Variants in ZNF277 observed in about 807,000 individuals in gnomAD.
ZNF277 encodes zinc finger protein 277.
Under a neutral mutation model 60.7 loss-of-function variants are expected in ZNF277, and 55 were observed. The ratio of observed to expected loss-of-function variants is 0.91; its 90% CI spans 0.73 to 1.13. The LOEUF (loss-of-function observed/expected upper bound fraction) is 1.13, where lower values mean the gene tolerates loss of function less well. Among genes scored for constraint, ZNF277 ranks in the 50% most tolerant of loss-of-function variants. The probability of loss-of-function intolerance (pLI) is 0.00; values close to 1 mark genes in which losing one functional copy is unlikely to be tolerated. For synonymous variants in ZNF277, 178 were observed against 179.3 expected, an observed-to-expected ratio of 0.99 and a Z score of 0.06; for missense variants, 510 against 523.0, an observed-to-expected ratio of 0.98 and a Z score of 0.24.
chr7:112,280,175 A>G (rs1233496804), intron 1 of ZNF277, among the ~76,000 whole-genome samples: 1 of 152,152 alleles, frequency 6.6e-6, no homozygotes, highest in Non-Finnish European at 1.5e-5. Context: ...AATTATGCTC[A>G]TGGCAACAGG....
chr7:112,312,461 G>T (rs1792752760), intron 4 of ZNF277, among the ~76,000 whole-genome samples: 1 of 152,036 alleles, frequency 6.6e-6, no homozygotes, highest in African/African-American at 2.4e-5. Context: ...TGATGATAAT[G>T]GTTTTGTGGT....
At chr7:112,275,577 TGTC>T (rs1271844806) in intron 1 of ZNF277, among the ~76,000 whole-genome samples, 13 of 152,204 alleles carry the variant, frequency 8.5e-5, no homozygotes. Flanking sequence ...CCAGAAATCT[TGTC>T]TGATTTAAAT....
At chr7:112,256,110 T>C (rs1791301312) in intron 1 of ZNF277, among the ~76,000 whole-genome samples, 1 of 152,216 alleles carries the variant, frequency 6.6e-6, no homozygotes, top group South Asian at 2.1e-4. Context: ...AGGTTTTCAA[T>C]AAATAATTTT....
At chr7:112,315,632 T>C (rs193060098) in intron 4 of ZNF277, among the ~76,000 whole-genome samples, 36 of 152,250 alleles carry the variant, frequency 2.4e-4, no homozygotes, top group African/African-American at 7.9e-4. Flanking sequence ...GTCTTGAATT[T>C]CGAATACAGA....
intron 1 of ZNF277, among the ~76,000 whole-genome samples, chr7:112,210,173 A>C (rs1044055637): frequency 2.0e-5 from 3 of 152,194 alleles, no homozygotes; most frequent in Admixed American, 2.0e-4. Context: ...AAAAACATAC[A>C]CCTTTTTGAC....
intron 1 of ZNF277, among the ~76,000 whole-genome samples, chr7:112,264,869 G>T (rs1791513813): frequency 1.3e-5 from 2 of 152,118 alleles, no homozygotes; most frequent in Admixed American, 1.3e-4. Context: ...GGTAAAAAAT[G>T]CTTACGCTCA....
At chr7:112,241,553 G>A (rs1291018675) in intron 1 of ZNF277, among the ~76,000 whole-genome samples, 1 of 152,152 alleles carries the variant, frequency 6.6e-6, no homozygotes, top group Admixed American at 6.5e-5. Context: ...GCACTTCCAT[G>A]TTTGTTGCAG....
intron 5 of ZNF277, among the ~76,000 whole-genome samples, chr7:112,324,739 AATATTAT>A (rs1483607318): frequency 1.3e-5 from 2 of 152,342 alleles, no homozygotes; most frequent in Admixed American, 6.5e-5. Context: ...AAACAGGACC[AATATTAT>A]ATATAGATAT....
intron 1 of ZNF277, among the ~76,000 whole-genome samples, chr7:112,235,582 C>T (rs1047064941): frequency 6.6e-6 from 1 of 151,898 alleles, no homozygotes; most frequent in Non-Finnish European, 1.5e-5. Context: ...TATTTAAATC[C>T]TGTACCCATT....
intron 1 of ZNF277, among the ~76,000 whole-genome samples, chr7:112,229,395 T>C (rs1213158360): frequency 6.6e-6 from 1 of 152,202 alleles, no homozygotes; most frequent in Non-Finnish European, 1.5e-5. Flanking sequence ...TCAGAAACTC[T>C]TCTTAAAGCT....
In ZNF277 at chr7:112,342,620, G is replaced by C. The variant is rs1440452253; in HGVS notation, c.1244G>C (p.Ser415Thr). Residue 415 changes from serine to threonine, a missense_variant, in exon 12 of 12, where the codon AGT becomes ACT. Transcript: ENST00000361822. ...CTGTGTACACTATCTGACAGTGAAA[G>C]TGACCTGACAGCTCAGGAACAAAAT... ...TLLCTLSDSE[S>T]DLTAQEQNEN... The C allele has an allele frequency of 1.9e-6, 3 of 1,613,144 alleles. No homozygotes were observed. In the Admixed American group the frequency reaches 5.0e-5, roughly 27 times the overall value.
intron 1 of ZNF277, among the ~76,000 whole-genome samples, chr7:112,215,948 A>G (rs984797047): frequency 1.3e-5 from 2 of 152,234 alleles, no homozygotes; most frequent in Non-Finnish European, 2.9e-5. Context: ...TGTACCCGCT[A>G]ATCGTAATTA....
intron 1 of ZNF277, among the ~76,000 whole-genome samples, chr7:112,258,428 A>G (rs1429046538): frequency 1.3e-5 from 2 of 151,944 alleles, no homozygotes; most frequent in Non-Finnish European, 2.9e-5. Flanking sequence ...TACTTGTACT[A>G]TGCAAAGCCA....
At chr7:112,231,944 G>T (rs532474615) in intron 1 of ZNF277, among the ~76,000 whole-genome samples, 1 of 151,146 alleles carries the variant, frequency 6.6e-6, no homozygotes, top group South Asian at 2.1e-4. Flanking sequence ...TACTTCATGA[G>T]GAAAGAAGTA....
At chr7:112,342,477 A>C (rs1793462471) in intron 11 of ZNF277, 84 bp from the exon 12 acceptor site, 1 of 1,229,850 alleles carries the variant, frequency 8.1e-7, no homozygotes, top group Non-Finnish European at 1.1e-6. Flanking sequence ...TACCTGACAA[A>C]ATTATAGTAA....
intron 7 of ZNF277, chr7:112,330,460 C>CAAA: frequency 1.2e-5 from 4 of 342,578 alleles, no homozygotes; most frequent in Non-Finnish European, 1.5e-5. Flanking sequence ...TCATCTTGAC[C>CAAA]AAAAAAAAAA....
At chr7:112,311,249 G>C (rs1792726062) in intron 4 of ZNF277, among the ~76,000 whole-genome samples, 1 of 152,038 alleles carries the variant, frequency 6.6e-6, no homozygotes, top group Non-Finnish European at 1.5e-5. Context: ...AAAGATGAAA[G>C]ACTAGGCATT....
chr7:112,240,675 A>G (rs1790926226), intron 1 of ZNF277, among the ~76,000 whole-genome samples: 1 of 152,334 alleles, frequency 6.6e-6, no homozygotes, highest in East Asian at 1.9e-4. Flanking sequence ...AGAATGGAAC[A>G]GAATAGAGAA....
chr7:112,322,025 G>T (rs888723103), intron 5 of ZNF277, among the ~76,000 whole-genome samples: 3 of 151,504 alleles, frequency 2.0e-5, no homozygotes, highest in African/African-American at 7.3e-5. Flanking sequence ...CGGGACAGAA[G>T]AAAAAAAGAA....
Sources: allele counts gnomAD v4.1 joint callset (sites outside exome capture counted in the v4.1 genomes callset), GRCh38; gene constraint gnomAD v4.1.1; transcripts MANE v1.5; gene names NCBI Gene and HGNC (gene_info 2026-07-23, HGNC 2026-07-21).